The following BLMH variants were observed in gnomAD, a reference collection of about 807,000 sequenced individuals.
BLMH encodes the protein BLM hydrolase.
Under a neutral mutation model 61.6 loss-of-function variants are expected in BLMH, and 32 were observed. The ratio of observed to expected loss-of-function variants is 0.52; its 90% CI spans 0.39 to 0.70. The LOEUF is 0.70. Among genes scored for constraint, BLMH ranks in the 30% least tolerant of loss-of-function variants. The pLI is 0.00. For missense variants in BLMH, 460 were observed against 555.5 expected (o/e 0.83, Z 1.73); for synonymous variants, 183 against 193.8 (o/e 0.94, Z 0.46).
intron 11 of BLMH, 36 bp downstream of exon 11, chr17:30,266,849 A>G (rs1908125584): frequency 1.3e-6 from 2 of 1,592,208 alleles, no homozygotes; most frequent in African/African-American, 2.7e-5. Flanking sequence ...GAGCAGGCCC[A>G]GTCACCTGGA....
intron 11 of BLMH, among the ~76,000 whole-genome samples, chr17:30,251,501 T>C (rs1321125697): frequency 2.0e-5 from 3 of 152,252 alleles, no homozygotes; most frequent in Non-Finnish European, 4.4e-5. Context: ...ACCACGACTG[T>C]CATCTGACCG....
intron 10 of BLMH, among the ~76,000 whole-genome samples, chr17:30,267,414 T>C (rs1003022573): frequency 3.3e-5 from 5 of 152,200 alleles, no homozygotes; most frequent in Non-Finnish European, 7.3e-5. Flanking sequence ...CAGAGTCTTT[T>C]TTAAACAAAA....
chr17:30,286,614 G>A (rs1908734201), intron 5 of BLMH, among the ~76,000 whole-genome samples, 200 bp downstream of exon 5: 1 of 152,068 alleles, frequency 6.6e-6, no homozygotes, highest in Non-Finnish European at 1.5e-5. Context: ...AATAAAAGTG[G>A]AAGTTTTTTA....
intron 5 of BLMH, 90 bp downstream of exon 5, chr17:30,286,722 CTG>C (rs1597667921): frequency 1.2e-6 from 1 of 839,438 alleles, no homozygotes; most frequent in Non-Finnish European, 1.9e-6. Flanking sequence ...TGTACACAAA[CTG>C]TATACAGAGA....
chr17:30,278,306 C>G (rs1026701608), intron 6 of BLMH, among the ~76,000 whole-genome samples: 26 of 152,098 alleles, frequency 1.7e-4, no homozygotes, highest in Admixed American at 1.6e-3. Flanking sequence ...AGATACTGAA[C>G]AGTGAACACA....
chr17:30,273,877 C>T, intron 7 of BLMH, 165 bp downstream of exon 7: 1 of 814,312 alleles, frequency 1.2e-6, no homozygotes, highest in Non-Finnish European at 1.9e-6. Context: ...CTGGCACCAC[C>T]AACTTCATTA....
At chr17:30,274,515 C>G (rs2143022632) in intron 6 of BLMH, among the ~76,000 whole-genome samples, 1 of 152,276 alleles carries the variant, frequency 6.6e-6, no homozygotes, top group East Asian at 1.9e-4. Context: ...CCAGCAAGAT[C>G]TGAGTTGCTG....
chr17:30,254,072 C>G (rs866655134), intron 11 of BLMH, among the ~76,000 whole-genome samples: 1 of 151,918 alleles, frequency 6.6e-6, no homozygotes, highest in Admixed American at 6.5e-5. Flanking sequence ...TTTCTGAAAT[C>G]CCACCAGAAA....
At chr17:30,270,566 C>T (rs1292641554) in intron 10 of BLMH, among the ~76,000 whole-genome samples, 1 of 151,736 alleles carries the variant, frequency 6.6e-6, no homozygotes, top group African/African-American at 2.4e-5. Flanking sequence ...TGTGACTTTC[C>T]AGGAATTAGG....
At chr17:30,260,686 C>A (rs1443986877) in intron 11 of BLMH, among the ~76,000 whole-genome samples, 1 of 152,046 alleles carries the variant, frequency 6.6e-6, no homozygotes, top group Non-Finnish European at 1.5e-5. Context: ...TCGAGACCAG[C>A]CTGGCCAACA....
At chr17:30,264,064 C>T (rs1908033749) in intron 11 of BLMH, among the ~76,000 whole-genome samples, 1 of 152,218 alleles carries the variant, frequency 6.6e-6, no homozygotes, top group African/African-American at 2.4e-5. Flanking sequence ...ACTATGCGCT[C>T]TCCTGAGGTC....
intron 6 of BLMH, among the ~76,000 whole-genome samples, chr17:30,284,639 T>C (rs903490677): frequency 6.6e-6 from 1 of 152,252 alleles, no homozygotes; most frequent in African/African-American, 2.4e-5. Context: ...TACCACCTCA[T>C]ATTTTAGTGC....
At chr17:30,272,499 A>G (rs910069461) in intron 9 of BLMH, 62 bp downstream of exon 9, 20 of 1,580,082 alleles carry the variant, frequency 1.3e-5, no homozygotes, top group Non-Finnish European at 1.7e-5. Flanking sequence ...TTTTGTACCA[A>G]CAGCACACTC....
rs551846520 is a variant in BLMH at position 30,275,210 on chromosome 17, C to G, written c.646-1013G>C. On this transcript the variant is annotated intron_variant, in intron 6 of 11. Coordinates refer to ENST00000261714, the MANE Select transcript of BLMH (RefSeq NM_000386.4). ...CCAGCCTGAGTGACAGAGTGAGGAC[C>G]CTGTCTCAAAAATAAAAAGAAGAGG... 2.0e-5 allele frequency among the ~76,000 whole-genome samples: 3 copies of G among 151,924 alleles called. No individual in the cohort carries two copies. The South Asian group carries it at 6.2e-4, about 32-fold the overall frequency.
chr17:30,267,044 A>G (rs991355212), intron 10 of BLMH, 90 bp from the exon 11 acceptor site: 1 of 1,230,022 alleles, frequency 8.1e-7, no homozygotes, highest in Non-Finnish European at 1.2e-6. Context: ...TAGCCACTTG[A>G]AAGAAACAGC....
chr17:30,273,168 T>TTC (rs1397370900), intron 7 of BLMH: 1 of 244,670 alleles, frequency 4.1e-6, no homozygotes, highest in African/African-American at 2.3e-5. Context: ...AAAAGCAATT[T>TTC]TTTTTTTTTT....
rs11652835 is a variant in BLMH, at chr17:30,256,839, C to T, written c.1217-7671G>A. The stretch of plus-strand genomic sequence containing the variant: ...CTTGGCATAGTCCCCAACTATGAAA[C>T]AGATAATTTCAACAGATAATTGAGT... On this transcript the variant is annotated intron_variant, in intron 11 of 11. Transcript: ENST00000261714. 3.5e-3 allele frequency among the ~76,000 whole-genome samples: 538 copies of T among 152,092 alleles called. 1 individual carries two copies. The highest frequency in any genetic ancestry group is 5.3e-3 in the Non-Finnish European group (361 of 68,008).
chr17:30,287,731 A>C (rs966764000), intron 4 of BLMH, 75 bp downstream of exon 4: 102 of 1,543,872 alleles, frequency 6.6e-5, no homozygotes, highest in Non-Finnish European at 8.9e-5. Flanking sequence ...CAACCACCAA[A>C]GAATTGGCCC....
At position 30,271,368 on chromosome 17, in the gene BLMH, A is replaced by G; in HGVS notation, c.1049T>C (p.Phe350Ser). 1.2e-6 allele frequency: 2 copies of G among 1,613,898 alleles called. No individual in the cohort carries two copies. Among genetic ancestry groups the G allele is most frequent in the Non-Finnish European group, 1.7e-6 (2 of 1,179,786 alleles). The change falls in exon 10 of 12, where the codon TTT becomes TCT. Residue 350 changes from phenylalanine to serine, a missense_variant. By Grantham distance (155) the Phe-to-Ser change is radical. Coordinates refer to ENST00000261714, the MANE Select transcript of BLMH (RefSeq NM_000386.4). ...ATTCATGTTCTTCAAGGAGACACCAAACACTAACTCATGGTCATAGCTGTA... is the reference window on the plus strand; with the variant it reads ...ATTCATGTTCTTCAAGGAGACACCAGACACTAACTCATGGTCATAGCTGTA... The part of the protein sequence containing the change: ...DMNLYDHELV[F>S]GVSLKNMNKA...
Sources: allele counts gnomAD v4.1 joint callset (sites outside exome capture counted in the v4.1 genomes callset), GRCh38; gene constraint gnomAD v4.1.1; transcripts MANE v1.5; gene names NCBI Gene and HGNC (gene_info 2026-07-23, HGNC 2026-07-21).